The following SMAP1 variants were observed in gnomAD, a reference collection of about 807,000 sequenced individuals.
The protein encoded by SMAP1 is stromal membrane-associated protein 1.
In SMAP1, 24 loss-of-function variants were observed where a neutral mutation model predicts 58.5. That is an observed-to-expected ratio of 0.41 (90% confidence interval 0.30 to 0.58). The LOEUF (loss-of-function observed/expected upper bound fraction) is 0.58, where lower values mean the gene tolerates loss of function less well. SMAP1 is among the 20% of genes least tolerant of loss of function. The pLI is 0.29. For synonymous variants in SMAP1, 216 were observed against 196.6 expected (o/e 1.10, Z -0.82); for missense variants, 563 against 566.3 (o/e 0.99, Z 0.06).
intron 3 of SMAP1, among the ~76,000 whole-genome samples, chr6:70,772,119 G>A (rs1042490475): frequency 1.3e-5 from 2 of 152,168 alleles, no homozygotes; most frequent in Admixed American, 6.5e-5. Context: ...GATGAAGCTT[G>A]AGTACCCATA....
intron 5 of SMAP1, among the ~76,000 whole-genome samples, chr6:70,792,525 A>C (rs566819255): frequency 6.6e-6 from 1 of 152,190 alleles, no homozygotes; most frequent in African/African-American, 2.4e-5. Flanking sequence ...GCAGTTTATA[A>C]TACAATATAT....
intron 1 of SMAP1, among the ~76,000 whole-genome samples, chr6:70,715,389 G>T (rs1176746854): frequency 6.6e-6 from 1 of 151,960 alleles, no homozygotes. Context: ...ACTGCACCTA[G>T]CCTGTGTGGG....
intron 3 of SMAP1, among the ~76,000 whole-genome samples, chr6:70,761,401 A>G (rs193110020): frequency 2.1e-3 from 321 of 152,078 alleles, no homozygotes; most frequent in African/African-American, 7.4e-3. Flanking sequence ...TGAAAATATT[A>G]TTGTTCTGTT....
At chr6:70,715,843 C>G (rs192590490) in intron 1 of SMAP1, among the ~76,000 whole-genome samples, 174 of 152,202 alleles carry the variant, frequency 1.1e-3, no homozygotes, top group East Asian at 1.5e-3. Flanking sequence ...TGTCATCACT[C>G]GAGCACTAAA....
At chr6:70,799,606 TA>T (rs2149953945) in intron 6 of SMAP1, among the ~76,000 whole-genome samples, 1 of 152,342 alleles carries the variant, frequency 6.6e-6, no homozygotes, top group African/African-American at 2.4e-5. Flanking sequence ...TATTGAGGCA[TA>T]AATTGGATAC....
intron 3 of SMAP1, among the ~76,000 whole-genome samples, chr6:70,771,038 C>A (rs962549677): frequency 6.6e-6 from 1 of 151,934 alleles, no homozygotes; most frequent in African/African-American, 2.4e-5. Flanking sequence ...TGCCTGGGTA[C>A]CAGCAGTGGT....
chr6:70,701,547 A>T (rs1299576908), intron 1 of SMAP1, among the ~76,000 whole-genome samples: 1 of 152,100 alleles, frequency 6.6e-6, no homozygotes, highest in Non-Finnish European at 1.5e-5. Flanking sequence ...CGCTGCTGGG[A>T]TGGATGATTT....
At chr6:70,808,999 G>A (rs1190701146) in intron 6 of SMAP1, among the ~76,000 whole-genome samples, 2 of 150,736 alleles carry the variant, frequency 1.3e-5, no homozygotes, top group African/African-American at 2.4e-5. Context: ...GTTTAAAATA[G>A]ATTGTTTTCA....
intron 2 of SMAP1, 127 bp from the exon 3 acceptor site, chr6:70,754,853 C>T: frequency 8.0e-6 from 4 of 502,928 alleles, no homozygotes; most frequent in Non-Finnish European, 1.4e-5. Flanking sequence ...AATTATATTT[C>T]TAAGGAGAAT....
At chr6:70,759,488 A>G (rs573896216) in intron 3 of SMAP1, among the ~76,000 whole-genome samples, 5 of 152,218 alleles carry the variant, frequency 3.3e-5, no homozygotes, top group African/African-American at 1.2e-4. Flanking sequence ...AGTAGCTTCC[A>G]AGTTATTTAA....
chr6:70,727,510 A>G (rs796573549), intron 1 of SMAP1, among the ~76,000 whole-genome samples: 9 of 152,294 alleles, frequency 5.9e-5, no homozygotes, highest in Admixed American at 2.0e-4. Flanking sequence ...TGTCATTTGT[A>G]CTTATTACTA....
chr6:70,788,465 A>G (rs915279739), intron 4 of SMAP1, among the ~76,000 whole-genome samples: 1 of 149,200 alleles, frequency 6.7e-6, no homozygotes, highest in Non-Finnish European at 1.5e-5. Flanking sequence ...ATAATAAAAA[A>G]TAAAATAAAA....
chr6:70,745,912 A>C (rs1307655640), intron 2 of SMAP1, among the ~76,000 whole-genome samples: 1 of 152,116 alleles, frequency 6.6e-6, no homozygotes, highest in Non-Finnish European at 1.5e-5. Flanking sequence ...TTGGATTCCC[A>C]GGTATTTTAT....
chr6:70,745,394 C>G (rs1489136942), intron 2 of SMAP1, among the ~76,000 whole-genome samples: 1 of 152,186 alleles, frequency 6.6e-6, no homozygotes, highest in Non-Finnish European at 1.5e-5. Flanking sequence ...CTACATATGG[C>G]TAGCCAGTTT....
At chr6:70,859,245 A>G (rs1771586075) in intron 10 of SMAP1, 2 of 902,826 alleles carry the variant, frequency 2.2e-6, no homozygotes, top group African/African-American at 1.7e-5. Flanking sequence ...TGTCAGTCAC[A>G]TGGTCAACAT....
chr6:70,766,756 T>A (rs1278200115), intron 3 of SMAP1, among the ~76,000 whole-genome samples: 1 of 152,196 alleles, frequency 6.6e-6, no homozygotes, highest in Admixed American at 6.5e-5. Flanking sequence ...TTTAATTAGA[T>A]CCCATTTGTC....
At position 70,791,709 on chromosome 6, in the gene SMAP1, T is replaced by C; in HGVS notation, c.435T>C (p.Pro145=). ...AITNISSSDA[P]LQPLVSSPSL... The stretch of plus-strand genomic sequence containing the variant: ...CACAGATTTCCTCCTCTGATGCTCC[T>C]CTTCAGCCTTTGGTATCCTCTCCTT... The change falls in exon 5 of 11, where the codon CCT becomes CCC. Residue 145 remains proline (P), a synonymous_variant. Transcript: ENST00000370455. 1 of 1,613,302 alleles carries C rather than the reference T, an allele frequency of 6.2e-7. No individual in the cohort carries two copies. The highest frequency in any genetic ancestry group is 8.5e-7 in the Non-Finnish European group (1 of 1,179,660).
chr6:70,732,634 A>T (rs1765474842), intron 2 of SMAP1, 123 bp downstream of exon 2: 1 of 790,318 alleles, frequency 1.3e-6, no homozygotes, highest in African/African-American at 1.8e-5. Flanking sequence ...GGCATATGCC[A>T]CGTATAAAAT....
chr6:70,679,953 G>A (rs1195503041), intron 1 of SMAP1, among the ~76,000 whole-genome samples: 1 of 152,154 alleles, frequency 6.6e-6, no homozygotes, highest in East Asian at 1.9e-4. Flanking sequence ...AAGAATGTTT[G>A]AGGTCTTACA....
Sources: gnomAD v4.1 joint callset for allele counts (sites outside exome capture counted in the v4.1 genomes callset) on GRCh38, gnomAD v4.1.1 for gene constraint, MANE v1.5 for transcripts, NCBI Gene and HGNC (gene_info 2026-07-23, HGNC 2026-07-21) for gene names.